Variants in KIF27 observed in about 807,000 individuals in gnomAD.
The protein encoded by KIF27 is kinesin-like protein KIF27.
In KIF27, 84 loss-of-function variants were observed where a neutral mutation model predicts 141.8. That is an observed-to-expected ratio of 0.59 (90% CI 0.50 to 0.71). The LOEUF (loss-of-function observed/expected upper bound fraction) is 0.71. Ranked by LOEUF, KIF27 falls within the 30% of genes least tolerant of loss-of-function variation. The pLI, the probability that KIF27 is intolerant of heterozygous loss-of-function variation, is 0.00. For synonymous variants in KIF27, 471 were observed against 569.5 expected (o/e 0.83, Z 2.46); for missense variants, 1,306 against 1,628.4 (o/e 0.80, Z 3.41).
At chr9:83,850,572 G>A (rs1948438597) in intron 15 of KIF27, among the ~76,000 whole-genome samples, 1 of 151,952 alleles carries the variant, frequency 6.6e-6, no homozygotes, top group Admixed American at 6.6e-5. Context: ...CTTGAGGTGA[G>A]GAGTTCGAGA....
At chr9:83,907,334 ATAAATAAT>A (rs1196583697) in intron 3 of KIF27, among the ~76,000 whole-genome samples, 3 of 137,712 alleles carry the variant, frequency 2.2e-5, no homozygotes, top group East Asian at 2.2e-4. Context: ...AAATAAATAA[ATAAATAAT>A]ATGTACATAG....
At chr9:83,850,550 T>TG (rs1027711054) in intron 15 of KIF27, among the ~76,000 whole-genome samples, 10 of 151,646 alleles carry the variant, frequency 6.6e-5, no homozygotes, top group East Asian at 2.0e-4. Flanking sequence ...GAGGCTGAGG[T>TG]GGGGGGGATC....
rs143432689 is a variant in KIF27 at position 83,883,492 on chromosome 9, T to C, written c.2445+321A>G. On this transcript the variant is annotated intron_variant, in intron 10 of 17. Transcript: ENST00000297814. Reference sequence around the variant, plus strand: ...TTGAGTGTCTACAAAGTGTCATATATGTACCAGCTGTTTTATTTGTATTAT... The same window carrying C: ...TTGAGTGTCTACAAAGTGTCATATACGTACCAGCTGTTTTATTTGTATTAT... Among the ~76,000 whole-genome samples, 41 of 152,322 alleles carry C rather than the reference T, an allele frequency of 2.7e-4. 2 individuals are homozygous for C. In the East Asian group the frequency reaches 7.3e-3, roughly 27 times the overall value.
At chr9:83,889,002 C>G (rs1239081184) in intron 7 of KIF27, 82 bp downstream of exon 7, 1 of 1,449,662 alleles carries the variant, frequency 6.9e-7, no homozygotes, top group Non-Finnish European at 9.2e-7. Flanking sequence ...AAGATATACT[C>G]CAATGGAAAA....
At chr9:83,887,795 A>C (rs1404560967) in intron 8 of KIF27, among the ~76,000 whole-genome samples, 2 of 151,982 alleles carry the variant, frequency 1.3e-5, no homozygotes, top group Non-Finnish European at 2.9e-5. Flanking sequence ...TGGCTGCTTG[A>C]GTAGCATTTA....
intron 14 of KIF27, 121 bp downstream of exon 14, chr9:83,859,035 T>C (rs1949581491): frequency 1.3e-6 from 1 of 778,814 alleles, no homozygotes; most frequent in South Asian, 1.6e-5. Flanking sequence ...TCACTACATC[T>C]GACAAAATCT....
chr9:83,903,743 C>T lies in KIF27; in HGVS notation c.775G>A (p.Glu259Lys). Residue 259 changes from glutamate to lysine, a missense_variant, in exon 4 of 18, where the codon GAA becomes AAA. Physicochemically the swap from Glu to Lys is moderately conservative, Grantham distance 56. This residue lies in a region of KIF27 where 533 missense variants were observed against 565.6 expected (regional missense o/e 0.94). Transcript: ENST00000297814. Reference protein sequence around the residue: ...ERVTKTGNTGERFKESIQINS... With the variant: ...ERVTKTGNTGKRFKESIQINS... The stretch of plus-strand genomic sequence containing the variant: ...ATTTGAATGGATTCTTTGAACCGTT[C>T]ACCAGTATTCCCCGTTTTGGTTACT... 2.5e-6 allele frequency: 4 copies of T among 1,614,200 alleles called. No homozygotes were observed. Among genetic ancestry groups the T allele is most frequent in the Non-Finnish European group, 3.4e-6 (4 of 1,180,036 alleles).
chr9:83,902,838 C>A (rs1353195160), intron 4 of KIF27, among the ~76,000 whole-genome samples: 1 of 151,356 alleles, frequency 6.6e-6, no homozygotes, highest in South Asian at 2.1e-4. Flanking sequence ...GTAGAAAGAA[C>A]AAAGTAAGAG....
At chr9:83,917,580 T>C (rs151131998) in intron 1 of KIF27, among the ~76,000 whole-genome samples, 51 of 152,310 alleles carry the variant, frequency 3.3e-4, no homozygotes, top group African/African-American at 1.2e-3. Flanking sequence ...GTAATCATGA[T>C]AGTGTGGTAC....
At chr9:83,894,311 T>C (rs1952962837) in intron 5 of KIF27, among the ~76,000 whole-genome samples, 1 of 152,230 alleles carries the variant, frequency 6.6e-6, no homozygotes, top group Non-Finnish European at 1.5e-5. Flanking sequence ...ACAAACTTAC[T>C]GACAAATATA....
Position 83,903,329 on chromosome 9 carries a change from G to A in KIF27, c.1189C>T (p.Leu397Phe), listed in dbSNP as rs758073293. 1.9e-6 allele frequency: 3 copies of A among 1,614,088 alleles called. No individual in the cohort carries two copies. The African/African-American group carries it at 4.0e-5, about 22-fold the overall frequency. Residue 397 changes from leucine to phenylalanine, a missense_variant, in exon 4 of 18, where the codon CTT (leucine) becomes TTT (phenylalanine). By Grantham distance (22) the Leu-to-Phe change is conservative. This residue lies in a region of KIF27 where 533 missense variants were observed against 565.6 expected (regional missense o/e 0.94). Transcript: ENST00000297814. ...TGAAGCTGAGCTACTTGCTCCTCAA[G>A]AGAATGAATCCTATTTGTATCAGGA... ...GSPDTNRIHS[L>F]EEQVAQLQGE...
Position 83,921,419 on chromosome 9 carries a change from C to G in KIF27, c.-136G>C, listed in dbSNP as rs978937461. 1.3e-5 allele frequency: 2 copies of G among 152,416 alleles called. No homozygotes were observed. Among genetic ancestry groups the G allele is most frequent in the Admixed American group, 6.5e-5 (1 of 15,296 alleles). The allele number at this position is 152,416 out of a possible 1,614,324, so 9.4% of individuals were successfully genotyped here. A position where few individuals can be genotyped will look rare whatever the true frequency, so the allele number is the denominator to read the frequency against. ...TGTCGGCGAGCGCTGGACTCCTCAG[C>G]TTCGCTCTGCCACACCGCGCAGCCG... On this transcript the variant is annotated 5_prime_UTR_variant, in exon 1 of 18. Transcript: ENST00000297814.
intron 1 of KIF27, among the ~76,000 whole-genome samples, chr9:83,918,206 C>T (rs943075901): frequency 6.6e-6 from 1 of 151,334 alleles, no homozygotes; most frequent in Non-Finnish European, 1.5e-5. Context: ...ACCCAGCAGC[C>T]AGAGGTTACA....
chr9:83,897,936 T>C (rs1358577509), intron 5 of KIF27, among the ~76,000 whole-genome samples: 1 of 151,978 alleles, frequency 6.6e-6, no homozygotes, highest in Non-Finnish European at 1.5e-5. Context: ...GATTTAAAAA[T>C]TAATAACAAA....
chr9:83,903,723 A>G lies in KIF27; in HGVS notation c.795T>C (p.Ile265=). Residue 265 remains isoleucine (I), a synonymous_variant, in exon 4 of 18, where the codon ATT becomes ATC. Transcript: ENST00000297814. ...GNTGERFKES[I]QINSGLLALG... ...AAGCCAGCAATCCACTATTGATTTG[A>G]ATGGATTCTTTGAACCGTTCACCAG... 6.2e-7 allele frequency: 1 copy of G among 1,614,184 alleles called. No individual in the cohort carries two copies. Among genetic ancestry groups the G allele is most frequent in the Non-Finnish European group, 8.5e-7 (1 of 1,180,034 alleles).
chr9:83,910,819 CA>C (rs1459777839), intron 2 of KIF27, among the ~76,000 whole-genome samples: 6 of 152,126 alleles, frequency 3.9e-5, no homozygotes, highest in Admixed American at 3.9e-4. Context: ...AGCAGCTTTA[CA>C]AATAGGCGTA....
chr9:83,846,711 A>C (rs1947325262), intron 16 of KIF27, among the ~76,000 whole-genome samples: 1 of 152,190 alleles, frequency 6.6e-6, no homozygotes, highest in Non-Finnish European at 1.5e-5. Context: ...CTAGTGATCC[A>C]TTAGCAACAT....
intron 5 of KIF27, among the ~76,000 whole-genome samples, chr9:83,897,379 C>A (rs1414303386): frequency 1.3e-5 from 2 of 152,020 alleles, no homozygotes; most frequent in African/African-American, 2.4e-5. Context: ...AGATGGTTTC[C>A]AATAAATGAT....
chr9:83,916,405 C>T (rs550678934), intron 1 of KIF27, among the ~76,000 whole-genome samples: 4 of 152,214 alleles, frequency 2.6e-5, no homozygotes, highest in East Asian at 1.9e-4. Context: ...CTCCTCTTTG[C>T]CACAATTATT....
Sources: allele counts gnomAD v4.1 joint callset (sites outside exome capture counted in the v4.1 genomes callset), GRCh38; gene constraint gnomAD v4.1.1; regional missense constraint gnomAD v4.1.1; transcripts MANE v1.5; gene names NCBI Gene and HGNC (gene_info 2026-07-23, HGNC 2026-07-21).